Variants in PDE8A observed in about 807,000 individuals in gnomAD.
PDE8A encodes the protein phosphodiesterase 8A.
Under a neutral mutation model 105.0 loss-of-function variants are expected in PDE8A, and 59 were observed. The ratio of observed to expected loss-of-function variants is 0.56; its 90% CI spans 0.46 to 0.70. The LOEUF (loss-of-function observed/expected upper bound fraction) is 0.70. Ranked by LOEUF, PDE8A falls within the 30% of genes least tolerant of loss-of-function variation. The pLI is 0.00. For missense variants in PDE8A, 1,014 were observed against 1,045.9 expected, an observed-to-expected ratio of 0.97 and a Z score of 0.42; for synonymous variants, 355 against 371.9, an observed-to-expected ratio of 0.95 and a Z score of 0.52.
intron 1 of PDE8A, among the ~76,000 whole-genome samples, chr15:85,010,420 C>T (rs1028308057): frequency 6.6e-6 from 1 of 152,184 alleles, no homozygotes; most frequent in Non-Finnish European, 1.5e-5. Flanking sequence ...TAATACTCAT[C>T]ATTTTGGAAA....
chr15:85,023,385 T>C (rs967319260), intron 1 of PDE8A, among the ~76,000 whole-genome samples: 1 of 152,062 alleles, frequency 6.6e-6, no homozygotes, highest in Non-Finnish European at 1.5e-5. Context: ...TAGGAAATAA[T>C]TGGGTTGGTT....
intron 12 of PDE8A, among the ~76,000 whole-genome samples, chr15:85,109,359 T>C (rs1440967245): frequency 6.6e-6 from 1 of 152,216 alleles, no homozygotes; most frequent in African/African-American, 2.4e-5. Context: ...AAGATACATT[T>C]CCCATATATT....
At position 84,996,747 on chromosome 15, in the gene PDE8A, A is replaced by G. The variant is rs1335896205; in HGVS notation, c.186+14399A>G. Among the ~76,000 whole-genome samples the G allele has an allele frequency of 2.2e-5, 3 of 139,170 alleles. No individual in the cohort carries two copies. In the East Asian group the frequency reaches 7.1e-4, roughly 33 times the overall value. The allele number at this position is 139,170 out of a possible 152,430, so 91.3% of individuals were successfully genotyped here. Reference sequence around the variant, plus strand: ...AGGCTGAGGCAGGAAAGTCGCTTGAACCCAGGAGGCAGAGATTGCAGTGAG... The same window carrying G: ...AGGCTGAGGCAGGAAAGTCGCTTGAGCCCAGGAGGCAGAGATTGCAGTGAG... On this transcript the variant is annotated intron_variant, in intron 1 of 21. Transcript: ENST00000394553.
intron 20 of PDE8A, among the ~76,000 whole-genome samples, chr15:85,130,463 A>G (rs1460185068): frequency 1.3e-5 from 2 of 152,168 alleles, no homozygotes; most frequent in African/African-American, 4.8e-5. Context: ...TTTAAAATAT[A>G]TACTGTTTGT....
rs772977823 is a variant in PDE8A at position 85,120,835 on chromosome 15, C to T, written c.1773C>T (p.Ile591=). The change falls in exon 18 of 22, where the codon ATC becomes ATT. Residue 591 remains isoleucine (I), a synonymous_variant. Coordinates refer to ENST00000394553, the MANE Select transcript of PDE8A (RefSeq NM_002605.3). ...CAATTGATGAGGTCGCTGCACTCATCGCAGCCACCATTCATGATGTGGATC... is the reference window on the plus strand; with the variant it reads ...CAATTGATGAGGTCGCTGCACTCATTGCAGCCACCATTCATGATGTGGATC... ...LDPIDEVAAL[I]AATIHDVDHP... The T allele has an allele frequency of 2.1e-5, 34 of 1,613,652 alleles. No homozygotes were observed. The highest frequency in any genetic ancestry group is 3.3e-5 in the South Asian group (3 of 91,062).
At chr15:85,019,587 T>C (rs1354182559) in intron 1 of PDE8A, among the ~76,000 whole-genome samples, 1 of 152,048 alleles carries the variant, frequency 6.6e-6, no homozygotes. Context: ...GGGTTTTTTT[T>C]GTTTTGTTTT....
At chr15:85,003,961 G>T (rs1378726841) in intron 1 of PDE8A, among the ~76,000 whole-genome samples, 3 of 152,208 alleles carry the variant, frequency 2.0e-5, no homozygotes, top group African/African-American at 7.2e-5. Context: ...CCCAAAAGGA[G>T]AAAAGAGCAT....
intron 8 of PDE8A, among the ~76,000 whole-genome samples, chr15:85,096,651 G>A (rs1211270441): frequency 1.3e-5 from 2 of 152,070 alleles, no homozygotes; most frequent in African/African-American, 4.8e-5. Context: ...TTCTGCCTAG[G>A]GAACCCTGTT....
At chr15:85,014,963 A>G (rs1417407281) in intron 1 of PDE8A, among the ~76,000 whole-genome samples, 1 of 151,928 alleles carries the variant, frequency 6.6e-6, no homozygotes, top group South Asian at 2.1e-4. Flanking sequence ...TCTGGCAACC[A>G]CTAATCTATT....
intron 7 of PDE8A, 121 bp from the exon 8 acceptor site, chr15:85,090,923 C>T: frequency 1.3e-6 from 1 of 798,116 alleles, no homozygotes; most frequent in Non-Finnish European, 2.1e-6. Flanking sequence ...ACGGTGAGGT[C>T]CAGGCTCCTG....
chr15:85,136,397 C>T (rs979834359), intron 20 of PDE8A, 137 bp from the exon 21 acceptor site: 92 of 779,876 alleles, frequency 1.2e-4, no homozygotes, highest in African/African-American at 2.1e-4. Flanking sequence ...GGTTTGGCTG[C>T]GTGAGGTGGT....
chr15:85,122,345 T>C (rs2082195384), intron 18 of PDE8A, among the ~76,000 whole-genome samples: 1 of 152,230 alleles, frequency 6.6e-6, no homozygotes, highest in Non-Finnish European at 1.5e-5. Context: ...AAAAACATTG[T>C]GTCATGAAGA....
chr15:85,097,374 A>G (rs1039037638), intron 8 of PDE8A, among the ~76,000 whole-genome samples: 5 of 152,192 alleles, frequency 3.3e-5, no homozygotes, highest in African/African-American at 1.2e-4. Flanking sequence ...AGGAGAGCAC[A>G]GCTAATGTGA....
At chr15:85,035,937 A>T (rs571124096) in intron 1 of PDE8A, among the ~76,000 whole-genome samples, 1 of 152,312 alleles carries the variant, frequency 6.6e-6, no homozygotes, top group Non-Finnish European at 1.5e-5. Flanking sequence ...ACACATGGAG[A>T]TTCTAGTTTA....
chr15:85,013,349 ACTTTT>A (rs1422409696), intron 1 of PDE8A, among the ~76,000 whole-genome samples: 39 of 152,328 alleles, frequency 2.6e-4, no homozygotes, highest in Non-Finnish European at 4.4e-4. Flanking sequence ...TCTGAGCATC[ACTTTT>A]CTTATCTGCA....
chr15:85,045,590 A>G (rs757168251), intron 1 of PDE8A, among the ~76,000 whole-genome samples: 1 of 152,222 alleles, frequency 6.6e-6, no homozygotes, highest in African/African-American at 2.4e-5. Flanking sequence ...TTTACGTGTT[A>G]GATACTTTTT....
At chr15:85,090,834 G>C (rs1400838338) in intron 7 of PDE8A, 1 of 619,770 alleles carries the variant, frequency 1.6e-6, no homozygotes, top group Admixed American at 2.1e-5. Flanking sequence ...AGAAAGCCCA[G>C]CCGGGTATCA....
At chr15:84,981,201 CTT>C (rs570762088), upstream of PDE8A, among the ~76,000 whole-genome samples, 32 of 152,344 alleles carry the variant, frequency 2.1e-4, 2 homozygotes, top group South Asian at 5.6e-3. Context: ...GGGCAAGTCT[CTT>C]TCCTTCTCTG....
At chr15:85,007,770 G>C (rs3862411) in intron 1 of PDE8A, among the ~76,000 whole-genome samples, 63,071 of 151,814 alleles carry the variant, frequency 0.42, 14,773 homozygotes, top group African/African-American at 0.63. Context: ...AGAGTGTTGC[G>C]TATTATTATT....
Sources: allele counts gnomAD v4.1 joint callset (sites outside exome capture counted in the v4.1 genomes callset), GRCh38; gene constraint gnomAD v4.1.1; transcripts MANE v1.5; gene names NCBI Gene and HGNC (gene_info 2026-07-23, HGNC 2026-07-21).